Variants in NFASC observed in about 807,000 individuals in gnomAD.
NFASC encodes neurofascin.
Under a neutral mutation model 147.5 loss-of-function variants are expected in NFASC, and 43 were observed. That is an observed-to-expected ratio of 0.29 (90% CI 0.23 to 0.38). The LOEUF is 0.38. NFASC is among the 10% of genes least tolerant of loss of function. NFASC has a pLI of 1.00. For synonymous variants in NFASC, 622 were observed against 665.5 expected (o/e 0.93, Z 1.01); for missense variants, 1,320 against 1,689.0 (o/e 0.78, Z 3.83).
intron 1 of NFASC, among the ~76,000 whole-genome samples, chr1:204,887,586 CTTTTTTTTTT>C (rs200468415): frequency 2.4e-5 from 1 of 42,374 alleles, no homozygotes; most frequent in Non-Finnish European, 4.7e-5. Flanking sequence ...GCCTGATTGG[CTTTTTTTTTT>C]TTTTTTTTTT....
At chr1:204,911,380 A>G (rs1471341010) in intron 1 of NFASC, among the ~76,000 whole-genome samples, 1 of 152,136 alleles carries the variant, frequency 6.6e-6, no homozygotes, top group Non-Finnish European at 1.5e-5. Flanking sequence ...ATGAATGTTA[A>G]CATTTTAACT....
chr1:204,968,528 C>A lies in NFASC; in HGVS notation c.818+168C>A. ...TGTTGCAAACCATAGTCATCTCCATCCTATCCTGGCCATCTCTGTTTTGGA... is the reference window on the plus strand; with the variant it reads ...TGTTGCAAACCATAGTCATCTCCATACTATCCTGGCCATCTCTGTTTTGGA... On this transcript the variant is annotated intron_variant, in intron 9 of 29. Coordinates refer to ENST00000339876, the MANE Select transcript of NFASC (RefSeq NM_001005388.3). The surrounding 1 kb of genome is among the most constrained non-coding windows in gnomAD (Gnocchi z 5.4). 1.6e-6 allele frequency: 1 copy of A among 621,774 alleles called. No homozygotes were observed. The allele number at this position is 621,774 out of a possible 1,614,324, so 38.5% of individuals were successfully genotyped here. A position where few individuals can be genotyped will look rare whatever the true frequency, so the allele number is the denominator to read the frequency against.
intron 24 of NFASC, among the ~76,000 whole-genome samples, chr1:204,995,862 A>G (rs2095836815): frequency 6.6e-6 from 1 of 151,994 alleles, no homozygotes; most frequent in Non-Finnish European, 1.5e-5. Context: ...TCTCGGGGAT[A>G]TTATTTTCCT....
At chr1:204,915,839 G>A (rs546411864) in intron 1 of NFASC, among the ~76,000 whole-genome samples, 14 of 152,286 alleles carry the variant, frequency 9.2e-5, no homozygotes, top group South Asian at 2.1e-4. Context: ...CCCGGGACCA[G>A]CTTATACTTT....
intron 20 of NFASC, among the ~76,000 whole-genome samples, chr1:204,980,835 A>G (rs2095497241): frequency 6.6e-6 from 1 of 151,996 alleles, no homozygotes; most frequent in Admixed American, 6.6e-5. Context: ...TTCACTGGAG[A>G]TTTGTGGGAG....
At chr1:204,999,323 A>G (rs1006892575) in intron 25 of NFASC, 1 of 151,898 alleles carries the variant, frequency 6.6e-6, no homozygotes. Flanking sequence ...CCTCTAAATC[A>G]TCTTGGCTTC....
chr1:204,906,305 A>T (rs1572810020), intron 1 of NFASC, among the ~76,000 whole-genome samples: 1 of 152,194 alleles, frequency 6.6e-6, no homozygotes, highest in East Asian at 1.9e-4. Context: ...CACCACCATA[A>T]GCAAGATACA....
Position 205,021,449 on chromosome 1 carries a change from A to G in NFASC, c.*4910A>G, listed in dbSNP as rs1044129506. ...AGGAGAATGGAAATAGGTACAAGGCATCTAGCTTAGGACAGAATCGGATTT... is the reference window on the plus strand; with the variant it reads ...AGGAGAATGGAAATAGGTACAAGGCGTCTAGCTTAGGACAGAATCGGATTT... On this transcript the variant is annotated 3_prime_UTR_variant, in exon 30 of 30. Transcript: ENST00000339876. The G allele has an allele frequency of 2.6e-5, 4 of 152,826 alleles. No homozygotes were observed. The highest frequency in any genetic ancestry group is 4.1e-4 in the South Asian group (2 of 4,826). The allele number at this position is 152,826 out of a possible 1,614,324, so 9.5% of individuals were successfully genotyped here. A position where few individuals can be genotyped will look rare whatever the true frequency, so the allele number is the denominator to read the frequency against.
chr1:205,009,423 G>A (rs755943300), intron 27 of NFASC, 134 bp from the exon 28 acceptor site: 1 of 946,878 alleles, frequency 1.1e-6, no homozygotes, highest in Non-Finnish European at 1.7e-6. Context: ...TTGGGCCAGG[G>A]GGCTGCTAGG....
At chr1:204,889,455 G>T (rs1172781947) in intron 1 of NFASC, among the ~76,000 whole-genome samples, 2 of 152,216 alleles carry the variant, frequency 1.3e-5, no homozygotes, top group Non-Finnish European at 2.9e-5. Context: ...CATTACGCAG[G>T]TTAACAGGAA....
intron 1 of NFASC, among the ~76,000 whole-genome samples, chr1:204,910,009 G>A (rs528772216): frequency 2.0e-5 from 3 of 151,724 alleles, no homozygotes; most frequent in Non-Finnish European, 4.4e-5. Flanking sequence ...TCTTTAAATT[G>A]GGTAGACTGA....
At chr1:204,962,759 G>A (rs144967393) in intron 8 of NFASC, among the ~76,000 whole-genome samples, 16 of 152,226 alleles carry the variant, frequency 1.1e-4, no homozygotes, top group African/African-American at 2.4e-4. Flanking sequence ...ACCATCCACC[G>A]TACCCTCTCA....
intron 2 of NFASC, among the ~76,000 whole-genome samples, chr1:204,937,673 C>T (rs1052520524): frequency 3.3e-5 from 5 of 152,198 alleles, no homozygotes; most frequent in East Asian, 1.9e-4. Context: ...GATGTACCTC[C>T]GTTTCTCCAT....
chr1:204,969,181 G>T (rs891141821), intron 10 of NFASC, among the ~76,000 whole-genome samples, 199 bp downstream of exon 10: 1 of 152,078 alleles, frequency 6.6e-6, no homozygotes, highest in African/African-American at 2.4e-5. Context: ...TGGGGCAGGG[G>T]GTGTTAAGGA....
chr1:204,980,450 C>T lies in NFASC; in HGVS notation c.2247+10C>T. 1 of 1,605,234 alleles carries T rather than the reference C, an allele frequency of 6.2e-7. No individual in the cohort carries two copies. The highest frequency in any genetic ancestry group is 8.5e-7 in the Non-Finnish European group (1 of 1,173,858). ...GGAGATCACGTGGACGGTAAGAGGC[C>T]CTCCCAGCCCCAGTGGAGCAGCTCA... On this transcript the variant is annotated intron_variant, in intron 20 of 29. Transcript: ENST00000339876.
At chr1:205,012,992 T>G in intron 29 of NFASC, 126 bp downstream of exon 29, 1 of 701,782 alleles carries the variant, frequency 1.4e-6, no homozygotes, top group Non-Finnish European at 2.6e-6. Context: ...CATTGGGCTG[T>G]GACTCTGCCT....
intron 28 of NFASC, among the ~76,000 whole-genome samples, chr1:205,012,127 A>T (rs2096265364): frequency 6.6e-6 from 1 of 152,220 alleles, no homozygotes; most frequent in African/African-American, 2.4e-5. Context: ...TGCACTAGCG[A>T]TACTGGAGGA....
intron 2 of NFASC, among the ~76,000 whole-genome samples, chr1:204,923,773 G>A (rs866210672): frequency 4.6e-5 from 7 of 152,142 alleles, no homozygotes; most frequent in African/African-American, 1.2e-4. Flanking sequence ...TGTGGGCACC[G>A]AGACCTGTAG....
chr1:204,965,419 A>G (rs2094891901), intron 8 of NFASC, among the ~76,000 whole-genome samples: 1 of 152,208 alleles, frequency 6.6e-6, no homozygotes, highest in African/African-American at 2.4e-5. Flanking sequence ...CTCCTGCTGC[A>G]ATTGACTGCA....
Sources: gnomAD v4.1 joint callset for allele counts (sites outside exome capture counted in the v4.1 genomes callset) on GRCh38, gnomAD v4.1.1 for gene constraint, Gnocchi (gnomAD v3.1) non-coding constraint, MANE v1.5 for transcripts, NCBI Gene and HGNC (gene_info 2026-07-23, HGNC 2026-07-21) for gene names.